Variants in MYO3B observed in about 807,000 individuals in gnomAD.
MYO3B encodes the protein myosin-IIIb.
MYO3B carries 156 observed loss-of-function variants against 174.6 expected under a neutral mutation model. The ratio of observed to expected loss-of-function variants is 0.89; its 90% CI spans 0.78 to 1.02. The LOEUF (loss-of-function observed/expected upper bound fraction) is 1.02, where lower values mean the gene tolerates loss of function less well. Ranked by LOEUF, MYO3B falls within the 50% of genes least tolerant of loss-of-function variation. The pLI is 0.00. For synonymous variants in MYO3B, 563 were observed against 569.1 expected, an observed-to-expected ratio of 0.99 and a Z score of 0.15; for missense variants, 1,632 against 1,639.4, an observed-to-expected ratio of 1.00 and a Z score of 0.08.
intron 10 of MYO3B, chr2:170,382,786 GTTT>G: frequency 4.2e-6 from 1 of 240,086 alleles, no homozygotes; most frequent in Non-Finnish European, 8.0e-6. Context: ...GTTGAGATGA[GTTT>G]TTTTTTCACA....
chr2:170,580,718 ATGTGTGTGTGTGTGTGTGTG>A (rs59092368), intron 32 of MYO3B, among the ~76,000 whole-genome samples: 2 of 142,702 alleles, frequency 1.4e-5, no homozygotes, highest in African/African-American at 2.6e-5. Flanking sequence ...AACCTTATAT[ATGTGTGTGTGTGTGTGTGTG>A]TGTGTGTGTG....
intron 30 of MYO3B, among the ~76,000 whole-genome samples, chr2:170,526,618 C>G (rs1396565738): frequency 6.6e-6 from 1 of 152,168 alleles, no homozygotes; most frequent in East Asian, 1.9e-4. Context: ...TTATCATACC[C>G]TCAAATAATA....
chr2:170,505,978 C>A (rs1294687313), intron 28 of MYO3B, among the ~76,000 whole-genome samples: 2 of 152,274 alleles, frequency 1.3e-5, no homozygotes, highest in African/African-American at 2.4e-5. Context: ...CCCTCCTTGG[C>A]CCTGCCAAAA....
intron 23 of MYO3B, among the ~76,000 whole-genome samples, chr2:170,450,579 T>C (rs1683544905): frequency 6.6e-6 from 1 of 152,030 alleles, no homozygotes. Flanking sequence ...TTTTTTTTTG[T>C]AGTTTACTCA....
intron 25 of MYO3B, among the ~76,000 whole-genome samples, chr2:170,489,166 T>A (rs941493957): frequency 1.6e-4 from 24 of 152,204 alleles, no homozygotes; most frequent in Non-Finnish European, 2.9e-5. Flanking sequence ...ACTAAATTTC[T>A]CACCTTGGGC....
At chr2:170,232,180 C>T (rs892826338) in intron 6 of MYO3B, among the ~76,000 whole-genome samples, 5 of 152,142 alleles carry the variant, frequency 3.3e-5, no homozygotes, top group African/African-American at 7.2e-5. Flanking sequence ...AAAGACCATT[C>T]GACCATCCAA....
At chr2:170,511,317 C>A (rs544339611) in intron 28 of MYO3B, among the ~76,000 whole-genome samples, 9 of 151,664 alleles carry the variant, frequency 5.9e-5, no homozygotes, top group African/African-American at 2.2e-4. Flanking sequence ...CCGCCTGCCT[C>A]GGCTTCCCAA....
At chr2:170,274,511 G>T (rs566958558) in intron 7 of MYO3B, among the ~76,000 whole-genome samples, 1 of 152,146 alleles carries the variant, frequency 6.6e-6, no homozygotes, top group Non-Finnish European at 1.5e-5. Context: ...GTAAATATTG[G>T]ATGAGTGAAC....
At chr2:170,276,898 C>T (rs2093467506) in intron 7 of MYO3B, among the ~76,000 whole-genome samples, 1 of 152,062 alleles carries the variant, frequency 6.6e-6, no homozygotes, top group Non-Finnish European at 1.5e-5. Flanking sequence ...GTCTAAAAGG[C>T]AAGGATAGTT....
At chr2:170,382,971 T>C in intron 10 of MYO3B, 102 bp from the exon 11 acceptor site, 1 of 751,022 alleles carries the variant, frequency 1.3e-6, no homozygotes. Flanking sequence ...TTTCATCGTT[T>C]AGAGAAAGAT....
intron 32 of MYO3B, among the ~76,000 whole-genome samples, chr2:170,613,380 C>T (rs1482232381): frequency 6.6e-6 from 1 of 152,192 alleles, no homozygotes; most frequent in Non-Finnish European, 1.5e-5. Flanking sequence ...TGACGCACAC[C>T]TCAGTCCTTC....
chr2:170,495,660 C>A (rs1686816176), intron 25 of MYO3B, among the ~76,000 whole-genome samples: 2 of 152,040 alleles, frequency 1.3e-5, no homozygotes, highest in Non-Finnish European at 2.9e-5. Context: ...TTACACTCCT[C>A]TTATATCTTT....
chr2:170,621,779 T>C (rs1469782186), intron 32 of MYO3B, among the ~76,000 whole-genome samples: 1 of 152,132 alleles, frequency 6.6e-6, no homozygotes, highest in African/African-American at 2.4e-5. Flanking sequence ...CCCAAAGTAC[T>C]GGGGCCACCG....
At chr2:170,400,387 C>G in intron 17 of MYO3B, 73 bp downstream of exon 17, 1 of 1,492,266 alleles carries the variant, frequency 6.7e-7, no homozygotes. Context: ...AAATATAATG[C>G]AGCATTTGCT....
At chr2:170,521,893 G>A (rs1688691129) in intron 30 of MYO3B, among the ~76,000 whole-genome samples, 1 of 152,040 alleles carries the variant, frequency 6.6e-6, no homozygotes, top group African/African-American at 2.4e-5. Flanking sequence ...ACTATTCTTG[G>A]GAAGCACAGC....
Position 170,501,661 on chromosome 2 carries a change from T to C in MYO3B, c.3290-124T>C, listed in dbSNP as rs1687276689. Reference sequence around the variant, plus strand: ...AGATCACATACCTCTGCTTATTTTGTTCAGTGAGAAAGCAGGAGGGAGGAT... The same window carrying C: ...AGATCACATACCTCTGCTTATTTTGCTCAGTGAGAAAGCAGGAGGGAGGAT... On this transcript the variant is annotated intron_variant, in intron 27 of 34. Coordinates refer to ENST00000408978, the MANE Select transcript of MYO3B (RefSeq NM_138995.5). 8 of 634,196 alleles carry C rather than the reference T, an allele frequency of 1.3e-5. No homozygotes were observed. In the South Asian group the frequency reaches 1.5e-4, roughly 12 times the overall value. 39.3% of individuals were successfully genotyped at this position (634,196 alleles called of 1,614,324 possible).
chr2:170,351,431 C>T (rs1200778310), intron 8 of MYO3B, among the ~76,000 whole-genome samples: 1 of 152,076 alleles, frequency 6.6e-6, no homozygotes, highest in Non-Finnish European at 1.5e-5. Flanking sequence ...TGACTTTTAG[C>T]CACCTTCTGG....
intron 7 of MYO3B, among the ~76,000 whole-genome samples, chr2:170,264,456 G>C (rs1364608158): frequency 6.6e-6 from 1 of 152,298 alleles, no homozygotes; most frequent in South Asian, 2.1e-4. Flanking sequence ...CATTCTACTG[G>C]TCAGGACAAA....
At chr2:170,234,465 C>G (rs529359141) in intron 6 of MYO3B, among the ~76,000 whole-genome samples, 23 of 152,274 alleles carry the variant, frequency 1.5e-4, no homozygotes, top group African/African-American at 5.1e-4. Flanking sequence ...CATGACCTAA[C>G]CACCTCCCAA....
Sources: gnomAD v4.1 joint callset for allele counts (sites outside exome capture counted in the v4.1 genomes callset) on GRCh38, gnomAD v4.1.1 for gene constraint, MANE v1.5 for transcripts, NCBI Gene and HGNC (gene_info 2026-07-23, HGNC 2026-07-21) for gene names.